The following ZNF521 variants were observed in gnomAD, a reference collection of about 807,000 sequenced individuals.
The protein encoded by ZNF521 is LYST-interacting protein 3.
ZNF521 carries 14 observed loss-of-function variants against 105.5 expected under a neutral mutation model. The observed-to-expected ratio is 0.13, with a 90% CI of 0.09 to 0.21. The LOEUF is 0.21. Among genes scored for constraint, ZNF521 ranks in the 10% least tolerant of loss-of-function variants. ZNF521 has a pLI of 1.00. For synonymous variants in ZNF521, 635 were observed against 606.0 expected (o/e 1.05, Z -0.70); for missense variants, 1,233 against 1,629.7 (o/e 0.76, Z 4.19).
chr18:25,285,624 C>A (rs780852647), intron 3 of ZNF521, among the ~76,000 whole-genome samples: 1 of 152,212 alleles, frequency 6.6e-6, no homozygotes, highest in Non-Finnish European at 1.5e-5. Context: ...CAACCACCCC[C>A]TCACACGTAC....
chr18:25,350,830 C>T (rs1420661951), intron 2 of ZNF521, 77 bp downstream of exon 2: 5 of 1,496,148 alleles, frequency 3.3e-6, no homozygotes, highest in Non-Finnish European at 4.5e-6. Flanking sequence ...CGCCTCGCAG[C>T]CACGCAGCCC....
intron 3 of ZNF521, among the ~76,000 whole-genome samples, chr18:25,247,751 T>C (rs959501441): frequency 2.0e-5 from 3 of 152,062 alleles, no homozygotes; most frequent in African/African-American, 7.2e-5. Flanking sequence ...CAGAGCCCTT[T>C]GGAGTAGGAG....
chr18:25,164,391 G>A (rs1484515296), intron 5 of ZNF521, among the ~76,000 whole-genome samples: 1 of 152,150 alleles, frequency 6.6e-6, no homozygotes, highest in Admixed American at 6.6e-5. Context: ...AAGAAAGCCT[G>A]TACATGAAAC....
At chr18:25,198,669 T>C (rs1449746680) in intron 4 of ZNF521, among the ~76,000 whole-genome samples, 1 of 151,906 alleles carries the variant, frequency 6.6e-6, no homozygotes, top group Non-Finnish European at 1.5e-5. Context: ...AATTTCTTTT[T>C]CTGAAAATTG....
rs183047523 is a variant in ZNF521 at position 25,329,262 on chromosome 18, T to C, written c.41-7075A>G. ...ACTGCAAGTCTGTCTTCCCTGGCCTTGAGTGGTTTTGTCCATTTACCCAAG... is the reference window on the plus strand; with the variant it reads ...ACTGCAAGTCTGTCTTCCCTGGCCTCGAGTGGTTTTGTCCATTTACCCAAG... On this transcript the variant is annotated intron_variant, in intron 2 of 7. Coordinates refer to ENST00000361524, the MANE Select transcript of ZNF521 (RefSeq NM_015461.3). Among the ~76,000 whole-genome samples, 3 of 133,228 alleles carry C rather than the reference T, an allele frequency of 2.3e-5. No individual in the cohort carries two copies. In the East Asian group the frequency reaches 6.1e-4, roughly 27 times the overall value. 87.4% of individuals were successfully genotyped at this position (133,228 alleles called of 152,430 possible).
chr18:25,324,939 T>C (rs1205796251), intron 2 of ZNF521, among the ~76,000 whole-genome samples: 1 of 152,196 alleles, frequency 6.6e-6, no homozygotes, highest in Admixed American at 6.5e-5. Context: ...TAATAAAAAA[T>C]AGTTTTGCTT....
intron 3 of ZNF521, among the ~76,000 whole-genome samples, chr18:25,289,812 C>T (rs1206664959): frequency 2.0e-5 from 3 of 152,044 alleles, no homozygotes; most frequent in African/African-American, 4.8e-5. Flanking sequence ...TTTAAAAATG[C>T]GGCTAGCTAG....
chr18:25,257,733 A>G (rs1226999071), intron 3 of ZNF521, among the ~76,000 whole-genome samples: 1 of 152,154 alleles, frequency 6.6e-6, no homozygotes, highest in Admixed American at 6.5e-5. Context: ...TTGAGTATCA[A>G]ATGCATATTT....
At chr18:25,178,126 T>C (rs1246700386) in intron 5 of ZNF521, among the ~76,000 whole-genome samples, 1 of 152,266 alleles carries the variant, frequency 6.6e-6, no homozygotes, top group Admixed American at 6.5e-5. Flanking sequence ...AAGCTGCATA[T>C]AGTATGTCAA....
Position 25,206,434 on chromosome 18 carries a change from G to C in ZNF521, c.3574-11190C>G, listed in dbSNP as rs573835448. 2.0e-5 allele frequency among the ~76,000 whole-genome samples: 3 copies of C among 152,072 alleles called. No homozygotes were observed. In the South Asian group the frequency reaches 6.2e-4, roughly 32 times the overall value. On this transcript the variant is annotated intron_variant, in intron 4 of 7. Transcript: ENST00000361524. The stretch of plus-strand genomic sequence containing the variant: ...TCCTTCTACTTCTCTTTAGATGAAG[G>C]CTCCTGTGGAGTCCTAGTCATTCTC...
chr18:25,103,466 T>C (rs2034007670), intron 5 of ZNF521, among the ~76,000 whole-genome samples: 1 of 152,174 alleles, frequency 6.6e-6, no homozygotes, highest in African/African-American at 2.4e-5. Context: ...AAATTGAGTG[T>C]TTGAGAAGAA....
At chr18:25,071,760 G>A (rs1480903811) in intron 7 of ZNF521, among the ~76,000 whole-genome samples, 1 of 152,218 alleles carries the variant, frequency 6.6e-6, no homozygotes, top group Non-Finnish European at 1.5e-5. Context: ...CAGCTGTACA[G>A]ATAAAGGACA....
intron 4 of ZNF521, among the ~76,000 whole-genome samples, chr18:25,221,220 G>A (rs1044339191): frequency 2.0e-5 from 3 of 152,194 alleles, no homozygotes; most frequent in Non-Finnish European, 2.9e-5. Flanking sequence ...ACTCAGATCT[G>A]CCTTCGATTT....
At chr18:25,312,817 C>CAAAAA (rs11343299) in intron 3 of ZNF521, among the ~76,000 whole-genome samples, 6 of 16,238 alleles carry the variant, frequency 3.7e-4, no homozygotes, top group East Asian at 1.1e-3. Context: ...GACTCCGTCT[C>CAAAAA]AAAAAAAAAA....
At position 25,226,524 on chromosome 18, in the gene ZNF521, G is replaced by A; in HGVS notation, c.1394C>T (p.Pro465Leu). 1 of 1,614,126 alleles carries A rather than the reference G, an allele frequency of 6.2e-7. No homozygotes were observed. The highest frequency in any genetic ancestry group is 1.1e-5 in the South Asian group (1 of 91,082). ...HLKQVHEAQD[P>L]GLIVSAMPAI... ...AGGCATGGCAGAAACAATCAGACCTGGGTCCTGAGCTTCATGCACTTGCTT... is the reference window on the plus strand; with the variant it reads ...AGGCATGGCAGAAACAATCAGACCTAGGTCCTGAGCTTCATGCACTTGCTT... Residue 465 changes from proline to leucine, a missense_variant, in exon 4 of 8, where the codon CCA becomes CTA. Pro to Leu is a moderately conservative substitution (Grantham distance 98). Around this residue, in one of 6 missense-constraint regions of ZNF521, gnomAD observed 380 missense variants for 478.0 expected, o/e 0.80. Transcript: ENST00000361524. The surrounding 1 kb of genome is among the most constrained non-coding windows in gnomAD (Gnocchi z 4.1).
intron 5 of ZNF521, among the ~76,000 whole-genome samples, chr18:25,147,907 C>T (rs2034975027): frequency 6.6e-6 from 1 of 152,150 alleles, no homozygotes; most frequent in African/African-American, 2.4e-5. Flanking sequence ...GTACCCTGTC[C>T]TGACCGAACA....
At chr18:25,343,075 T>C (rs1346525021) in intron 2 of ZNF521, among the ~76,000 whole-genome samples, 1 of 152,240 alleles carries the variant, frequency 6.6e-6, no homozygotes, top group African/African-American at 2.4e-5. Flanking sequence ...TCACTACAGG[T>C]TTCAACAAAT....
intron 5 of ZNF521, among the ~76,000 whole-genome samples, chr18:25,154,608 A>C (rs2035109171): frequency 6.6e-6 from 1 of 152,178 alleles, no homozygotes; most frequent in Admixed American, 6.5e-5. Flanking sequence ...CAATACCCTG[A>C]AATTTAATAA....
chr18:25,206,141 C>T (rs2036075624), intron 4 of ZNF521, among the ~76,000 whole-genome samples: 1 of 152,052 alleles, frequency 6.6e-6, no homozygotes, highest in South Asian at 2.1e-4. Context: ...GTAGCTAAGA[C>T]TACAGGCATG....
Sources: allele counts gnomAD v4.1 joint callset (sites outside exome capture counted in the v4.1 genomes callset), GRCh38; gene constraint gnomAD v4.1.1; regional missense constraint gnomAD v4.1.1; non-coding constraint Gnocchi (gnomAD v3.1); transcripts MANE v1.5; gene names NCBI Gene and HGNC (gene_info 2026-07-23, HGNC 2026-07-21).